PFKL: variants seen among roughly 807,000 people sequenced by gnomAD.
The protein encoded by PFKL is ATP-dependent 6-phosphofructokinase, liver type.
In PFKL, 74 loss-of-function variants were observed where a neutral mutation model predicts 92.1. The observed-to-expected ratio is 0.80, with a 90% CI of 0.67 to 0.97. PFKL has a LOEUF of 0.97. Ranked by LOEUF, PFKL falls within the 50% of genes least tolerant of loss-of-function variation. The pLI, the probability that PFKL is intolerant of heterozygous loss-of-function variation, is 0.00. For synonymous variants in PFKL, 494 were observed against 456.4 expected (o/e 1.08, Z -1.05); for missense variants, 1,028 against 1,116.6 (o/e 0.92, Z 1.13).
Position 44,320,220 on chromosome 21 carries a change from G to A in PFKL, c.1191+73G>A, listed in dbSNP as rs184954840. On this transcript the variant is annotated intron_variant, in intron 12 of 21. Coordinates refer to ENST00000349048, the MANE Select transcript of PFKL (RefSeq NM_002626.6). ...TCTGCAGCCTCTTCACGCTGGCCCC[G>A]TGGCTGGGCCTGCCTGCCCCCACCT... 5.7e-5 allele frequency: 80 copies of A among 1,396,500 alleles called. No individual in the cohort carries two copies. The African/African-American group carries it at 6.5e-4, about 11-fold the overall frequency. The allele number at this position is 1,396,500 out of a possible 1,614,324, so 86.5% of individuals were successfully genotyped here.
chr21:44,327,224 G>A lies in PFKL; in HGVS notation c.*362G>A, dbSNP rs982699360. On this transcript the variant is annotated 3_prime_UTR_variant, in exon 22 of 22. Transcript: ENST00000349048. ...ACATGGGCCAGCCCTTGCTCTACCT[G>A]GCCGGTAGGCTGCTGGCGCCTAGGT... is the stretch of plus-strand genomic sequence containing the variant. 1 of 285,036 alleles carries A rather than the reference G, an allele frequency of 3.5e-6. No individual in the cohort carries two copies. The highest frequency in any genetic ancestry group is 6.8e-6 in the Non-Finnish European group (1 of 147,460). 17.7% of individuals were successfully genotyped at this position (285,036 alleles called of 1,614,324 possible).
chr21:44,326,375 C>T (rs1056343846), intron 21 of PFKL, 111 bp downstream of exon 21: 5 of 801,000 alleles, frequency 6.2e-6, no homozygotes, highest in East Asian at 2.7e-5. Context: ...CCCCGCAAGG[C>T]CTCCTGGGCC....
At chr21:44,303,495 C>A (rs897664972) in intron 1 of PFKL, among the ~76,000 whole-genome samples, 1 of 150,790 alleles carries the variant, frequency 6.6e-6, no homozygotes. Flanking sequence ...CTCGCCCTGG[C>A]CTGGGCACTT....
intron 1 of PFKL, among the ~76,000 whole-genome samples, chr21:44,306,420 C>T (rs1444448565): frequency 6.6e-6 from 1 of 152,204 alleles, no homozygotes; most frequent in Non-Finnish European, 1.5e-5. Flanking sequence ...CTCAAGTTTC[C>T]TGGCCTGGTG....
intron 16 of PFKL, 86 bp downstream of exon 16, chr21:44,324,004 G>T: frequency 6.6e-7 from 1 of 1,507,834 alleles, no homozygotes; most frequent in Non-Finnish European, 9.1e-7. Flanking sequence ...AGGGGATAGT[G>T]TGTGGTGAGC....
At chr21:44,307,038 C>T (rs1193191529) in intron 2 of PFKL, among the ~76,000 whole-genome samples, 1 of 152,178 alleles carries the variant, frequency 6.6e-6, no homozygotes, top group East Asian at 1.9e-4. Flanking sequence ...GAGTCGAGGC[C>T]CTGCCTACAG....
chr21:44,312,366 C>A, intron 4 of PFKL, 72 bp downstream of exon 4: 4 of 1,377,608 alleles, frequency 2.9e-6, no homozygotes, highest in Non-Finnish European at 2.9e-6. Context: ...TGGGAATGGG[C>A]AGGACAGAGG....
chr21:44,321,934 C>T (rs1602048712), intron 13 of PFKL, 59 bp downstream of exon 13: 1 of 1,509,342 alleles, frequency 6.6e-7, no homozygotes, highest in East Asian at 2.3e-5. Flanking sequence ...ACACTTGGGG[C>T]ATTTCCTGTG....
At chr21:44,312,046 C>A in intron 3 of PFKL, 59 bp from the exon 4 acceptor site, 1 of 1,325,986 alleles carries the variant, frequency 7.5e-7, no homozygotes, top group South Asian at 1.8e-5. Flanking sequence ...CTCTGGTGAT[C>A]CCCAGGGGCT....
chr21:44,305,098 T>A, intron 1 of PFKL: 1 of 450,340 alleles, frequency 2.2e-6, no homozygotes, highest in South Asian at 2.1e-5. Flanking sequence ...AACCTGAGGG[T>A]GGGTCTGGGT....
chr21:44,321,592 G>T, intron 12 of PFKL, 137 bp from the exon 13 acceptor site: 1 of 744,532 alleles, frequency 1.3e-6, no homozygotes, highest in Admixed American at 3.4e-5. Flanking sequence ...GCAGTTGGGC[G>T]GTGTGCTGGG....
chr21:44,314,077 C>T, intron 7 of PFKL, 56 bp downstream of exon 7: 1 of 1,273,200 alleles, frequency 7.9e-7, no homozygotes, highest in Non-Finnish European at 1.1e-6. Context: ...CTGGGTAGCG[C>T]CCCTGGGGTT....
At chr21:44,305,637 TG>T (rs2040912896) in intron 1 of PFKL, among the ~76,000 whole-genome samples, 1 of 152,186 alleles carries the variant, frequency 6.6e-6, no homozygotes, top group Admixed American at 6.5e-5. Flanking sequence ...CCCTGGCCGC[TG>T]GCGTGGGTTT....
In PFKL at chr21:44,323,938, C is replaced by G; in HGVS notation, c.1650+20C>G. 6.2e-7 allele frequency: 1 copy of G among 1,612,602 alleles called. No individual in the cohort carries two copies. The highest frequency in any genetic ancestry group is 8.5e-7 in the Non-Finnish European group (1 of 1,179,708). On this transcript the variant is annotated intron_variant, in intron 16 of 21. Transcript: ENST00000349048. ...ATGGAGGTACGGGGCTCCTGGACAC[C>G]GGCCTGCCATGCCCAGGCCCTTGTG...
Position 44,306,692 on chromosome 21 carries a change from G to C in PFKL, c.97G>C (p.Ala33Pro). 1 of 1,613,748 alleles carries C rather than the reference G, an allele frequency of 6.2e-7. No homozygotes were observed. Among genetic ancestry groups the C allele is most frequent in the Non-Finnish European group, 8.5e-7 (1 of 1,179,884 alleles). ...CCTGACCTCCACAGGCATGAACGCT[G>C]CTGTCCGGGCTGTGACGCGCATGGG... ...SGGDAQGMNA[A>P]VRAVTRMGIY... The change falls in exon 2 of 22, where the codon GCT (alanine) becomes CCT (proline). Residue 33 changes from alanine (A) to proline (P), a missense_variant. Ala to Pro is a conservative substitution (Grantham distance 27). Coordinates refer to ENST00000349048, the MANE Select transcript of PFKL (RefSeq NM_002626.6).
At chr21:44,325,938 A>C (rs1313786533) in intron 19 of PFKL, 23 bp from the exon 20 acceptor site, 1 of 1,590,954 alleles carries the variant, frequency 6.3e-7, no homozygotes, top group Admixed American at 1.7e-5. Context: ...GAGTCCAGGG[A>C]ACCGGGCCTC....
chr21:44,313,151 A>G lies in PFKL; in HGVS notation c.593+8A>G. The stretch of plus-strand genomic sequence containing the variant: ...CACCACCACTGCCCAGAGGTGAGTG[A>G]GGCTGGCGCCGGCGGCCAGCCCAGG... On this transcript the variant is annotated splice_region_variant and intron_variant, in intron 5 of 21. Coordinates refer to ENST00000349048, the MANE Select transcript of PFKL (RefSeq NM_002626.6). The G allele has an allele frequency of 1.2e-6, 2 of 1,612,042 alleles. No homozygotes were observed. Among genetic ancestry groups the G allele is most frequent in the Non-Finnish European group, 1.7e-6 (2 of 1,179,586 alleles).
rs753581286 is a variant in PFKL at position 44,313,118 on chromosome 21, G to A, written c.568G>A (p.Asp190Asn). Residue 190 changes from aspartate (D) to asparagine (N), a missense_variant, in exon 5 of 22, where the codon GAT becomes AAT. Physicochemically the swap from Asp to Asn is conservative, Grantham distance 23 (BLOSUM62 1). Transcript: ENST00000349048. ...SALHRIMEVI[D>N]AITTTAQSHQ... is the part of the protein sequence containing the mutation. ...CCTCCACCGCATCATGGAGGTCATC[G>A]ATGCCATCACCACCACTGCCCAGAG... 4.3e-6 allele frequency: 7 copies of A among 1,612,744 alleles called. No homozygotes were observed. The highest frequency in any genetic ancestry group is 2.7e-5 in the African/African-American group (2 of 74,904).
rs760658522 is a variant in PFKL, at chr21:44,312,104, G to A, written c.238-1G>A. 6.5e-7 allele frequency: 1 copy of A among 1,540,810 alleles called. No homozygotes were observed. The highest frequency in any genetic ancestry group is 2.5e-5 in the East Asian group (1 of 40,716). On this transcript the variant is annotated splice_acceptor_variant, in intron 3 of 21. Transcript: ENST00000349048. LOFTEE classifies it high-confidence loss of function. ...TGAAGTTTCTGGTCTCCTCTGTGCA[G>A]GGCGGCACTATCATTGGCAGCGCTC...
Sources: gnomAD v4.1 joint callset for allele counts (sites outside exome capture counted in the v4.1 genomes callset) on GRCh38, gnomAD v4.1.1 for gene constraint, MANE v1.5 for transcripts, NCBI Gene and HGNC (gene_info 2026-07-23, HGNC 2026-07-21) for gene names.